The following MYO1D variants were observed in gnomAD, a reference collection of about 807,000 sequenced individuals.
MYO1D encodes myosin ID, also known as unconventional myosin-Id.
A neutral mutation model predicts 122.0 loss-of-function variants in MYO1D; 83 were observed. That is an observed-to-expected ratio of 0.68 (90% confidence interval 0.57 to 0.82). The LOEUF is 0.82. MYO1D is among the 40% of genes least tolerant of loss of function. The pLI is 0.00. For synonymous variants in MYO1D, 464 were observed against 446.9 expected (o/e 1.04, Z -0.48); for missense variants, 1,157 against 1,269.5 (o/e 0.91, Z 1.35).
chr17:32,748,973 G>A lies in MYO1D; in HGVS notation c.1501C>T (p.Arg501Ter), dbSNP rs747394815. The A allele has an allele frequency of 6.2e-6, 10 of 1,613,692 alleles. No individual in the cohort carries two copies. Among genetic ancestry groups the A allele is most frequent in the African/African-American group, 2.7e-5 (2 of 74,906 alleles). The change falls in exon 12 of 22, where the codon CGA (arginine) becomes TGA (stop). Residue 501 changes from arginine to a stop codon, truncating the protein, a stop_gained. Transcript: ENST00000318217. LOFTEE classifies it high-confidence loss of function. ...CASDKILEFD[R>*]DFRIRHYAGD... ...GCATAATGTCGAATTCGAAAATCTC[G>A]ATCAAACTCCAGAATTTTGTCTGAG...
chr17:32,551,715 C>T (rs1286697583), intron 21 of MYO1D, among the ~76,000 whole-genome samples: 1 of 152,094 alleles, frequency 6.6e-6, no homozygotes, highest in African/African-American at 2.4e-5. Context: ...CACGCGGTTC[C>T]ATTTTCTCAT....
chr17:32,671,177 T>C (rs2088714376), intron 16 of MYO1D, among the ~76,000 whole-genome samples: 1 of 152,248 alleles, frequency 6.6e-6, no homozygotes, highest in Non-Finnish European at 1.5e-5. Context: ...TCTGGAGTCA[T>C]AGGCACCCCT....
chr17:32,785,485 C>T (rs1271627569), intron 1 of MYO1D, among the ~76,000 whole-genome samples: 1 of 152,160 alleles, frequency 6.6e-6, no homozygotes, highest in East Asian at 1.9e-4. Flanking sequence ...TTACCATGAA[C>T]GTTCCTATTT....
At chr17:32,772,905 A>T (rs1381979236) in intron 4 of MYO1D, 63 bp from the exon 5 acceptor site, 1 of 1,368,776 alleles carries the variant, frequency 7.3e-7, no homozygotes, top group African/African-American at 1.4e-5. Context: ...AACAGGAGCC[A>T]CTTTCTTAGG....
chr17:32,784,136 T>C (rs1487503762), intron 1 of MYO1D, among the ~76,000 whole-genome samples: 1 of 152,200 alleles, frequency 6.6e-6, no homozygotes, highest in African/African-American at 2.4e-5. Flanking sequence ...ATACAGGGTC[T>C]GGCCTCCGGG....
chr17:32,648,161 C>A (rs1273026375), intron 19 of MYO1D, among the ~76,000 whole-genome samples: 1 of 152,088 alleles, frequency 6.6e-6, no homozygotes, highest in Non-Finnish European at 1.5e-5. Flanking sequence ...TTGCAGTGAG[C>A]CAAAATTGCG....
chr17:32,700,467 G>T (rs1207210005), intron 16 of MYO1D, among the ~76,000 whole-genome samples: 1 of 152,182 alleles, frequency 6.6e-6, no homozygotes, highest in Non-Finnish European at 1.5e-5. Context: ...GGGGACCCCT[G>T]CTACAGATAC....
At chr17:32,582,773 G>C (rs1446526812) in intron 21 of MYO1D, among the ~76,000 whole-genome samples, 1 of 152,072 alleles carries the variant, frequency 6.6e-6, no homozygotes, top group Non-Finnish European at 1.5e-5. Flanking sequence ...TATAATTGTA[G>C]ATTTCTCCAT....
rs149545875 is a variant in MYO1D at position 32,762,495 on chromosome 17, A to G, written c.1036-1868T>C. Among the ~76,000 whole-genome samples, 346 of 152,262 alleles carry G rather than the reference A, an allele frequency of 2.3e-3. 1 individual carries two copies. Among genetic ancestry groups the G allele is most frequent in the African/African-American group, 7.5e-3 (310 of 41,544 alleles). ...CTCATCTCTTTCCTGGATTAACAAA[A>G]TATCCCCTTAATTGACCTCTTTGCT... On this transcript the variant is annotated intron_variant, in intron 8 of 21. Coordinates refer to ENST00000318217, the MANE Select transcript of MYO1D (RefSeq NM_015194.3).
intron 21 of MYO1D, among the ~76,000 whole-genome samples, chr17:32,589,910 A>C (rs1242930322): frequency 6.6e-6 from 1 of 152,156 alleles, no homozygotes; most frequent in Non-Finnish European, 1.5e-5. Flanking sequence ...TGTAACTTCT[A>C]TCTTGCTAGT....
rs60531756 is a variant in MYO1D, at chr17:32,561,688, C to CA, written c.2864+43398dup. Among the ~76,000 whole-genome samples, 477 of 71,418 alleles carry CA rather than the reference C, an allele frequency of 6.7e-3. 5 individuals are homozygous for CA. Among genetic ancestry groups the CA allele is most frequent in the African/African-American group, 0.015 (281 of 18,394 alleles). 46.9% of individuals were successfully genotyped at this position (71,418 alleles called of 152,430 possible). A position where few individuals can be genotyped will look rare whatever the true frequency, so the allele number is the denominator to read the frequency against. On this transcript the variant is annotated intron_variant, in intron 21 of 21. Coordinates refer to ENST00000318217, the MANE Select transcript of MYO1D (RefSeq NM_015194.3). ...CTGGAGACAGAGGGAGGCTCTGTCT[C>CA]AAAAAAAAAAAAAAAAAAAGAAAAC...
At chr17:32,725,079 T>C (rs552357072) in intron 14 of MYO1D, among the ~76,000 whole-genome samples, 1 of 152,286 alleles carries the variant, frequency 6.6e-6, no homozygotes, top group South Asian at 2.1e-4. Flanking sequence ...ATGCTTACCA[T>C]GTTCAAGGTG....
intron 21 of MYO1D, among the ~76,000 whole-genome samples, chr17:32,562,367 T>G (rs2087133917): frequency 6.6e-6 from 1 of 152,286 alleles, no homozygotes; most frequent in Non-Finnish European, 1.5e-5. Flanking sequence ...TTTCATTCTT[T>G]AATCATTTAG....
chr17:32,787,334 T>A (rs933593549), intron 1 of MYO1D, among the ~76,000 whole-genome samples: 1 of 152,186 alleles, frequency 6.6e-6, no homozygotes, highest in Non-Finnish European at 1.5e-5. Flanking sequence ...GGGTTTTGTT[T>A]ACATGGGTAA....
intron 21 of MYO1D, among the ~76,000 whole-genome samples, chr17:32,545,231 C>T (rs1205526763): frequency 6.6e-6 from 1 of 152,186 alleles, no homozygotes; most frequent in African/African-American, 2.4e-5. Context: ...CTGTGGGCAC[C>T]TCTGGCTTAC....
intron 21 of MYO1D, among the ~76,000 whole-genome samples, chr17:32,597,518 ATATC>A (rs1166527054): frequency 6.6e-6 from 1 of 152,164 alleles, no homozygotes; most frequent in Non-Finnish European, 1.5e-5. Context: ...AGATATCTAT[ATATC>A]TATCTATATA....
In MYO1D at chr17:32,534,803, G is replaced by A. The variant is rs113037152; in HGVS notation, c.2865-39888C>T. On this transcript the variant is annotated intron_variant, in intron 21 of 21. Coordinates refer to ENST00000318217, the MANE Select transcript of MYO1D (RefSeq NM_015194.3). Reference sequence around the variant, plus strand: ...TTTTCTCTTTACACCCCGTAGATGTGAGACCAGCTGGAGGGCCACAAGAAG... The same window carrying A: ...TTTTCTCTTTACACCCCGTAGATGTAAGACCAGCTGGAGGGCCACAAGAAG... Among the ~76,000 whole-genome samples, 362 of 152,118 alleles carry A rather than the reference G, an allele frequency of 2.4e-3. 2 individuals are homozygous for A. The highest frequency in any genetic ancestry group is 2.5e-3 in the Non-Finnish European group (170 of 68,030).
At chr17:32,641,312 C>T (rs1194634648) in intron 19 of MYO1D, among the ~76,000 whole-genome samples, 2 of 151,972 alleles carry the variant, frequency 1.3e-5, no homozygotes, top group East Asian at 3.9e-4. Flanking sequence ...ATATGTGCCA[C>T]ATTTTCTTAA....
chr17:32,785,375 A>T (rs972230960), intron 1 of MYO1D, among the ~76,000 whole-genome samples: 4 of 152,184 alleles, frequency 2.6e-5, no homozygotes, highest in African/African-American at 9.7e-5. Flanking sequence ...AGTATTATTC[A>T]TTTACTTGAG....
Sources: allele counts gnomAD v4.1 joint callset (sites outside exome capture counted in the v4.1 genomes callset), GRCh38; gene constraint gnomAD v4.1.1; transcripts MANE v1.5; gene names NCBI Gene and HGNC (gene_info 2026-07-23, HGNC 2026-07-21).